Variants in CCDC63 observed in about 807,000 individuals in gnomAD.
CCDC63 encodes the protein coiled-coil domain containing 63.
CCDC63 carries 54 observed loss-of-function variants against 63.6 expected under a neutral mutation model. The observed-to-expected ratio is 0.85, with a 90% CI of 0.68 to 1.07. The LOEUF (loss-of-function observed/expected upper bound fraction) is 1.07, where lower values mean the gene tolerates loss of function less well. Ranked by LOEUF, CCDC63 falls within the 50% of genes least tolerant of loss-of-function variation. The pLI is 0.00. For missense variants in CCDC63, 637 were observed against 689.6 expected (o/e 0.92, Z 0.86); for synonymous variants, 253 against 266.1 (o/e 0.95, Z 0.48).
In CCDC63 at chr12:110,863,263, CGTGT is replaced by C. The variant is rs34959062; in HGVS notation, c.369+4509_369+4512del. 1.8e-3 allele frequency among the ~76,000 whole-genome samples: 268 copies of C among 149,198 alleles called. 8 individuals are homozygous for C. The East Asian group carries it at 0.049, about 28-fold the overall frequency. On this transcript the variant is annotated intron_variant, in intron 4 of 11. Coordinates refer to ENST00000308208, the MANE Select transcript of CCDC63 (RefSeq NM_152591.3). ...TTAGTCTCGCTTTGAGTGACACACACGTGTGTGTGTGTGTGTGTGTGTGTTCCAG... is the reference window on the plus strand; with the variant it reads ...TTAGTCTCGCTTTGAGTGACACACACGTGTGTGTGTGTGTGTGTGTTCCAG...
chr12:110,857,697 T>C (rs1441525122), intron 3 of CCDC63, among the ~76,000 whole-genome samples: 2 of 152,160 alleles, frequency 1.3e-5, no homozygotes, highest in African/African-American at 4.8e-5. Flanking sequence ...CTTTGCTCTT[T>C]TCCAAATCCC....
At chr12:110,897,734 T>C (rs1223153684) in intron 9 of CCDC63, among the ~76,000 whole-genome samples, 1 of 146,350 alleles carries the variant, frequency 6.8e-6, no homozygotes, top group Non-Finnish European at 1.5e-5. Context: ...ACCACCTTGT[T>C]TTTTTTTTTT....
intron 1 of CCDC63, among the ~76,000 whole-genome samples, chr12:110,847,397 T>C (rs2070650864): frequency 6.6e-6 from 1 of 151,826 alleles, no homozygotes; most frequent in African/African-American, 2.4e-5. Context: ...TTACAAAATA[T>C]TTAAAAACTT....
intron 3 of CCDC63, among the ~76,000 whole-genome samples, chr12:110,856,388 C>T (rs1272483638): frequency 6.6e-6 from 1 of 151,842 alleles, no homozygotes; most frequent in East Asian, 1.9e-4. Flanking sequence ...ACCCTGAAAA[C>T]CTAACTCTTG....
At chr12:110,855,312 T>C (rs2136645568) in intron 3 of CCDC63, among the ~76,000 whole-genome samples, 1 of 152,336 alleles carries the variant, frequency 6.6e-6, no homozygotes, top group African/African-American at 2.4e-5. Context: ...GTTTTCAAGC[T>C]GGTGGTGCTT....
intron 11 of CCDC63, among the ~76,000 whole-genome samples, chr12:110,905,720 A>G (rs2071551041): frequency 6.7e-6 from 1 of 149,406 alleles, no homozygotes; most frequent in African/African-American, 2.5e-5. Flanking sequence ...AGTCAGTTGC[A>G]CAATTGTCTG....
At chr12:110,877,704 C>CTTTTTTT (rs869085659) in intron 5 of CCDC63, among the ~76,000 whole-genome samples, 1 of 142,908 alleles carries the variant, frequency 7.0e-6, no homozygotes, top group African/African-American at 2.6e-5. Context: ...GACTTTCTTT[C>CTTTTTTT]TTTCTTTTTT....
chr12:110,890,732 C>T (rs2071345505), intron 8 of CCDC63, among the ~76,000 whole-genome samples: 1 of 150,748 alleles, frequency 6.6e-6, no homozygotes, highest in Admixed American at 6.6e-5. Flanking sequence ...AACAACTTAC[C>T]ATAGATACCT....
chr12:110,877,207 A>G (rs1408893591), intron 5 of CCDC63, among the ~76,000 whole-genome samples: 2 of 149,474 alleles, frequency 1.3e-5, no homozygotes, highest in Non-Finnish European at 3.0e-5. Flanking sequence ...TCCCAAATAC[A>G]GTACAATTTT....
intron 2 of CCDC63, 69 bp from the exon 3 acceptor site, chr12:110,853,336 A>T: frequency 6.7e-7 from 1 of 1,492,754 alleles, no homozygotes; most frequent in Non-Finnish European, 9.1e-7. Flanking sequence ...CTTCACTCTT[A>T]AGCCCATCTG....
At chr12:110,905,241 C>T (rs577692273) in intron 11 of CCDC63, among the ~76,000 whole-genome samples, 11 of 152,156 alleles carry the variant, frequency 7.2e-5, no homozygotes, top group African/African-American at 2.6e-4. Flanking sequence ...TCCTTGGCCC[C>T]TCCCCATTTT....
At chr12:110,896,920 C>G (rs2071422242) in intron 9 of CCDC63, among the ~76,000 whole-genome samples, 1 of 152,182 alleles carries the variant, frequency 6.6e-6, no homozygotes, top group Non-Finnish European at 1.5e-5. Context: ...GGGCCTTTGA[C>G]TGAGTAAGAC....
chr12:110,876,245 C>A (rs188406097), intron 5 of CCDC63, among the ~76,000 whole-genome samples: 107 of 130,182 alleles, frequency 8.2e-4, no homozygotes, highest in Non-Finnish European at 1.3e-3. Flanking sequence ...TTCCCCCCCA[C>A]AATCAGAGGA....
At chr12:110,870,455 T>C (rs1324274474) in intron 4 of CCDC63, among the ~76,000 whole-genome samples, 1 of 152,186 alleles carries the variant, frequency 6.6e-6, no homozygotes, top group African/African-American at 2.4e-5. Flanking sequence ...GGGCACCAAT[T>C]TGCATTTAGG....
chr12:110,858,635 T>C lies in CCDC63; in HGVS notation c.229T>C (p.Leu77=). 6.2e-7 allele frequency: 1 copy of C among 1,614,102 alleles called. No homozygotes were observed. Among genetic ancestry groups the C allele is most frequent in the Non-Finnish European group, 8.5e-7 (1 of 1,180,002 alleles). The change falls in exon 4 of 12, where the codon TTG becomes CTG. Residue 77 remains leucine (L), a synonymous_variant. Transcript: ENST00000308208. ...AGAGCAGGATGAGATCACCCTACTG[T>C]TGAGTCTCATGAAATCCTCGAGGAA... is the stretch of plus-strand genomic sequence containing the variant. ...KTEQDEITLL[L]SLMKSSRNMN...
intron 5 of CCDC63, among the ~76,000 whole-genome samples, chr12:110,876,154 G>A (rs1360624338): frequency 1.3e-5 from 2 of 150,156 alleles, no homozygotes; most frequent in Admixed American, 1.3e-4. Context: ...AGGCAATTTT[G>A]GGGTCTCAGA....
intron 3 of CCDC63, among the ~76,000 whole-genome samples, chr12:110,858,018 A>C (rs1201990696): frequency 6.6e-6 from 1 of 152,074 alleles, no homozygotes; most frequent in Non-Finnish European, 1.5e-5. Flanking sequence ...AAGCAGGAGA[A>C]TCGCTTGAAC....
intron 9 of CCDC63, among the ~76,000 whole-genome samples, chr12:110,895,039 G>A (rs1267049914): frequency 4.7e-5 from 7 of 148,226 alleles, no homozygotes; most frequent in Non-Finnish European, 1.0e-4. Flanking sequence ...CTCCGCCCCC[G>A]AGTAGCTGGG....
intron 10 of CCDC63, among the ~76,000 whole-genome samples, chr12:110,899,739 G>A (rs892767610): frequency 2.7e-5 from 4 of 148,754 alleles, no homozygotes; most frequent in Non-Finnish European, 5.9e-5. Flanking sequence ...TACCTCATAA[G>A]ACTGTTGGGA....
Sources: allele counts gnomAD v4.1 joint callset (sites outside exome capture counted in the v4.1 genomes callset), GRCh38; gene constraint gnomAD v4.1.1; transcripts MANE v1.5; gene names NCBI Gene and HGNC (gene_info 2026-07-23, HGNC 2026-07-21).